HS1BP3: variants seen among roughly 807,000 people sequenced by gnomAD.
HS1BP3 encodes HCLS1-binding protein 3.
A neutral mutation model predicts 33.5 loss-of-function variants in HS1BP3; 32 were observed. That is an observed-to-expected ratio of 0.95 (90% CI 0.72 to 1.28). The LOEUF (loss-of-function observed/expected upper bound fraction) is 1.28, where lower values mean the gene tolerates loss of function less well. Ranked by LOEUF, HS1BP3 falls within the 50% of genes most tolerant of loss-of-function variation. The pLI is 0.00. For synonymous variants in HS1BP3, 187 were observed against 209.2 expected (o/e 0.89, Z 0.92); for missense variants, 486 against 502.3 (o/e 0.97, Z 0.31).
downstream of HS1BP3, among the ~76,000 whole-genome samples, chr2:20,556,937 G>A (rs2149267791): frequency 6.6e-6 from 1 of 152,270 alleles, no homozygotes; most frequent in African/African-American, 2.4e-5. Context: ...TGTGCAGCCC[G>A]CAGCTGGGAT....
At chr2:20,615,168 G>A (rs1694398159), downstream of HS1BP3, among the ~76,000 whole-genome samples, 1 of 152,236 alleles carries the variant, frequency 6.6e-6, no homozygotes, top group Admixed American at 6.5e-5. Flanking sequence ...GGCACGTAGA[G>A]GACTTTATAG....
intron 2 of HS1BP3, among the ~76,000 whole-genome samples, chr2:20,610,765 T>C (rs2149286084): frequency 6.6e-6 from 1 of 152,348 alleles, no homozygotes; most frequent in African/African-American, 2.4e-5. Flanking sequence ...CTGGAGAGTA[T>C]GGTAAGAGTA....
intron 2 of HS1BP3, among the ~76,000 whole-genome samples, chr2:20,600,814 C>G (rs1486506146): frequency 6.6e-6 from 1 of 151,932 alleles, no homozygotes; most frequent in Non-Finnish European, 1.5e-5. Context: ...TTTGGTTTAT[C>G]TGTATTTTTA....
intron 4 of HS1BP3, chr2:20,638,135 G>A: frequency 1.8e-6 from 1 of 548,020 alleles, no homozygotes; most frequent in Non-Finnish European, 3.2e-6. Context: ...CCCGCAGCCT[G>A]CACTACTGAG....
chr2:20,559,552 G>T (rs1692929512), downstream of HS1BP3, among the ~76,000 whole-genome samples: 1 of 151,558 alleles, frequency 6.6e-6, no homozygotes, highest in South Asian at 2.1e-4. Context: ...ATGGATAGGT[G>T]GATGAATGGA....
chr2:20,603,698 A>G (rs986637301), intron 2 of HS1BP3, among the ~76,000 whole-genome samples: 5 of 152,230 alleles, frequency 3.3e-5, no homozygotes, highest in African/African-American at 1.2e-4. Context: ...TAATACAACT[A>G]TTGAATTTAC....
Position 20,611,570 on chromosome 2 carries a change from G to A in HS1BP3, c.178+12326C>T, listed in dbSNP as rs558804413. On this transcript the variant is annotated intron_variant, in intron 2 of 3. Transcript: ENST00000415264. The surrounding 1 kb of genome is among the most constrained non-coding windows in gnomAD (Gnocchi z 4.9). ...TGGGGTGAGCTGGAATGTACTCCCC[G>A]CTGCCGCAGTCCTGTTGACATTATT... Among the ~76,000 whole-genome samples the A allele has an allele frequency of 6.6e-5, 10 of 152,268 alleles. No individual in the cohort carries two copies. The South Asian group carries it at 1.9e-3, about 28-fold the overall frequency.
Position 20,618,890 on chromosome 2 carries a change from G to T in HS1BP3, c.*97C>A. ...CAGGCTTCTGCCTGGCCTCCCCTGGGGGTGGGGAGGTTCTGACCCTGCAGG... is the reference window on the plus strand; with the variant it reads ...CAGGCTTCTGCCTGGCCTCCCCTGGTGGTGGGGAGGTTCTGACCCTGCAGG... On this transcript the variant is annotated 3_prime_UTR_variant, in exon 7 of 7. Transcript: ENST00000304031. The T allele has an allele frequency of 6.8e-7, 1 of 1,473,768 alleles. No individual in the cohort carries two copies. Among genetic ancestry groups the T allele is most frequent in the Non-Finnish European group, 9.0e-7 (1 of 1,114,940 alleles). 91.3% of individuals were successfully genotyped at this position (1,473,768 alleles called of 1,614,324 possible). A position where few individuals can be genotyped will look rare whatever the true frequency, so the allele number is the denominator to read the frequency against.
At chr2:20,634,125 T>G (rs115363214) in intron 4 of HS1BP3, among the ~76,000 whole-genome samples, 5,221 of 152,090 alleles carry the variant, frequency 0.034, 311 homozygotes, top group African/African-American at 0.12. Context: ...CGAGCAGGAG[T>G]TGCTGGGGAG....
At chr2:20,588,039 C>T (rs143641289), downstream of HS1BP3, among the ~76,000 whole-genome samples, 444 of 152,108 alleles carry the variant, frequency 2.9e-3, 3 homozygotes, top group African/African-American at 0.01. Context: ...GAGGCACTCT[C>T]ATCCAGTCCT....
At chr2:20,640,767 A>C (rs1295561547) in intron 3 of HS1BP3, 6 of 620,478 alleles carry the variant, frequency 9.7e-6, no homozygotes. Context: ...CCCCCACCTG[A>C]CAGCCAGACG....
downstream of HS1BP3, chr2:20,591,372 G>A (rs1301453852): frequency 1.3e-5 from 2 of 159,968 alleles, no homozygotes; most frequent in Non-Finnish European, 2.9e-5. Context: ...CTTGCTTGAA[G>A]CTGTGCACCA....
intron 3 of HS1BP3, among the ~76,000 whole-genome samples, chr2:20,597,781 A>G (rs1048684005): frequency 1.3e-5 from 2 of 152,254 alleles, no homozygotes; most frequent in Non-Finnish European, 2.9e-5. Context: ...TGGTTCTCAT[A>G]GAATGGGACT....
chr2:20,579,214 G>A (rs1376811482), intron 5 of HS1BP3, among the ~76,000 whole-genome samples: 1 of 152,264 alleles, frequency 6.6e-6, no homozygotes, highest in East Asian at 1.9e-4. Flanking sequence ...GGTTCCATGA[G>A]CACAGGAGCC....
At chr2:20,568,282 C>T (rs1268184171) in intron 5 of HS1BP3, among the ~76,000 whole-genome samples, 1 of 152,058 alleles carries the variant, frequency 6.6e-6, no homozygotes, top group African/African-American at 2.4e-5. Flanking sequence ...GGGAAGGAGT[C>T]CCGTGGCTAC....
At chr2:20,571,473 C>CT (rs1427296276) in intron 5 of HS1BP3, among the ~76,000 whole-genome samples, 6 of 152,238 alleles carry the variant, frequency 3.9e-5, no homozygotes, top group Non-Finnish European at 8.8e-5. Flanking sequence ...ACTTTGTGTC[C>CT]TTTTTCCTGT....
chr2:20,601,239 T>C (rs1274435246), intron 2 of HS1BP3, among the ~76,000 whole-genome samples: 1 of 152,242 alleles, frequency 6.6e-6, no homozygotes, highest in African/African-American at 2.4e-5. Flanking sequence ...TTCAGATTAC[T>C]TCCCTTACTG....
intron 5 of HS1BP3, among the ~76,000 whole-genome samples, chr2:20,564,206 C>G (rs1311084729): frequency 2.0e-5 from 3 of 152,232 alleles, no homozygotes; most frequent in African/African-American, 7.2e-5. Flanking sequence ...TCTAGTCTCT[C>G]TAACAGGTGC....
intron 2 of HS1BP3, among the ~76,000 whole-genome samples, chr2:20,644,151 G>C (rs1695447046): frequency 6.6e-6 from 1 of 152,130 alleles, no homozygotes; most frequent in Non-Finnish European, 1.5e-5. Context: ...TCCAGCTGCA[G>C]GTCCTTTTCA....
Sources: allele counts gnomAD v4.1 joint callset (sites outside exome capture counted in the v4.1 genomes callset), GRCh38; gene constraint gnomAD v4.1.1; non-coding constraint Gnocchi (gnomAD v3.1); transcripts MANE v1.5; gene names NCBI Gene and HGNC (gene_info 2026-07-23, HGNC 2026-07-21).